The following PIP4P2 variants were observed in gnomAD, a reference collection of about 807,000 sequenced individuals.
PIP4P2 encodes the protein type 2 phosphatidylinositol 4,5-bisphosphate 4-phosphatase.
Under a neutral mutation model 33.3 loss-of-function variants are expected in PIP4P2, and 19 were observed. The observed-to-expected ratio is 0.57, with a 90% CI of 0.40 to 0.84. PIP4P2 has a LOEUF of 0.84. Among genes scored for constraint, PIP4P2 ranks in the 40% least tolerant of loss-of-function variants. The pLI, the probability that PIP4P2 is intolerant of heterozygous loss-of-function variation, is 0.00. For missense variants in PIP4P2, 270 were observed against 324.7 expected (o/e 0.83, Z 1.29); for synonymous variants, 110 against 111.9 (o/e 0.98, Z 0.11).
chr8:91,007,529 T>C lies in PIP4P2; in HGVS notation c.539+1214A>G, dbSNP rs148067695. On this transcript the variant is annotated intron_variant, in intron 5 of 6. Coordinates refer to ENST00000285419, the MANE Select transcript of PIP4P2 (RefSeq NM_018710.3). Reference sequence around the variant, plus strand: ...AACCTCTTATTTTCAATAATAAAAATTGGATTGTCTAAGCATTCCAGTTTA... The same window carrying C: ...AACCTCTTATTTTCAATAATAAAAACTGGATTGTCTAAGCATTCCAGTTTA... Among the ~76,000 whole-genome samples the C allele has an allele frequency of 4.8e-4, 73 of 152,342 alleles. No homozygotes were observed. The East Asian group carries it at 0.011, about 24-fold the overall frequency.
At chr8:91,012,549 G>A (rs1285587167) in intron 4 of PIP4P2, among the ~76,000 whole-genome samples, 3 of 152,016 alleles carry the variant, frequency 2.0e-5, no homozygotes, top group African/African-American at 7.2e-5. Flanking sequence ...TCTCCTATAG[G>A]TGTATACAGT....
At chr8:90,998,881 T>C (rs186164400) in intron 5 of PIP4P2, among the ~76,000 whole-genome samples, 81 of 152,088 alleles carry the variant, frequency 5.3e-4, no homozygotes, top group African/African-American at 1.8e-3. Flanking sequence ...TTCATGATGA[T>C]GACACCAAAA....
At chr8:90,999,363 AAAG>A (rs1321543013) in intron 5 of PIP4P2, among the ~76,000 whole-genome samples, 1 of 152,148 alleles carries the variant, frequency 6.6e-6, no homozygotes, top group African/African-American at 2.4e-5. Context: ...GATAAAACTT[AAAG>A]GTAAATGTAC....
Position 91,011,019 on chromosome 8 carries a change from GAGATAGATAGATAGATAGAT to G in PIP4P2, c.487-2244_487-2225del, listed in dbSNP as rs3084284. On this transcript the variant is annotated intron_variant, in intron 4 of 6. Coordinates refer to ENST00000285419, the MANE Select transcript of PIP4P2 (RefSeq NM_018710.3). The stretch of plus-strand genomic sequence containing the variant: ...TAATTTAATTTTATAGTATCTTACT[GAGATAGATAGATAGATAGAT>G]AGATAGATAGATAGATAGATAGATA... Among the ~76,000 whole-genome samples the G allele has an allele frequency of 1.8e-3, 264 of 145,352 alleles. 1 individual carries two copies. The highest frequency in any genetic ancestry group is 6.4e-3 in the African/African-American group (246 of 38,710).
chr8:91,008,419 C>T (rs1318856877), intron 5 of PIP4P2, among the ~76,000 whole-genome samples: 1 of 151,980 alleles, frequency 6.6e-6, no homozygotes, highest in African/African-American at 2.4e-5. Flanking sequence ...AGATTACAGC[C>T]CATTTTATAA....
chr8:91,029,254 G>GC (rs1208903258), intron 1 of PIP4P2, among the ~76,000 whole-genome samples: 2 of 151,826 alleles, frequency 1.3e-5, no homozygotes, highest in African/African-American at 2.4e-5. Context: ...TCGTGCTATT[G>GC]CACTCCAGCC....
chr8:91,019,456 T>TA (rs1294785522), intron 3 of PIP4P2, among the ~76,000 whole-genome samples: 2 of 140,546 alleles, frequency 1.4e-5, no homozygotes, highest in African/African-American at 5.3e-5. Context: ...TGTGTGCTTG[T>TA]AGTCCCAGCT....
chr8:91,008,168 G>C (rs111845942), intron 5 of PIP4P2, among the ~76,000 whole-genome samples: 1 of 151,914 alleles, frequency 6.6e-6, no homozygotes, highest in Admixed American at 6.6e-5. Context: ...GTAGTCTTGG[G>C]ACCCCCAACA....
rs1482868628 is a variant in PIP4P2, at chr8:91,020,148, A to G, written c.362+9T>C. 2 of 1,611,586 alleles carry G rather than the reference A, an allele frequency of 1.2e-6. No homozygotes were observed. The highest frequency in any genetic ancestry group is 1.3e-5 in the African/African-American group (1 of 74,880). On this transcript the variant is annotated intron_variant, in intron 3 of 6. Coordinates refer to ENST00000285419, the MANE Select transcript of PIP4P2 (RefSeq NM_018710.3). ...TGAATGAATCAATGAATTAATCTTTATCTCTTACCAGTTGGGTCTTGGGCA... is the reference window on the plus strand; with the variant it reads ...TGAATGAATCAATGAATTAATCTTTGTCTCTTACCAGTTGGGTCTTGGGCA...
chr8:91,005,819 T>A (rs975911354), intron 5 of PIP4P2, among the ~76,000 whole-genome samples: 1 of 152,338 alleles, frequency 6.6e-6, no homozygotes, highest in Non-Finnish European at 1.5e-5. Context: ...AGGTCCATTA[T>A]AACATTTGCA....
intron 4 of PIP4P2, among the ~76,000 whole-genome samples, chr8:91,012,831 T>C (rs1480700322): frequency 6.6e-6 from 1 of 152,184 alleles, no homozygotes; most frequent in Non-Finnish European, 1.5e-5. Flanking sequence ...AATATCTAAA[T>C]GTACAAATTA....
chr8:91,010,546 A>G (rs1811820766), intron 4 of PIP4P2, among the ~76,000 whole-genome samples: 1 of 151,970 alleles, frequency 6.6e-6, no homozygotes, highest in Non-Finnish European at 1.5e-5. Flanking sequence ...TAATTAATGT[A>G]TTACATTGCC....
chr8:91,036,657 A>C (rs976247321), intron 1 of PIP4P2, among the ~76,000 whole-genome samples: 3 of 152,208 alleles, frequency 2.0e-5, no homozygotes, highest in African/African-American at 7.2e-5. Context: ...TACTCTAGCC[A>C]ATCCTCTAAT....
rs1320999784 is a variant in PIP4P2, at chr8:90,995,938, A to G, written c.631-118T>C. The G allele has an allele frequency of 5.2e-6, 6 of 1,149,184 alleles. No individual in the cohort carries two copies. In the African/African-American group the frequency reaches 7.9e-5, roughly 15 times the overall value. 71.2% of individuals were successfully genotyped at this position (1,149,184 alleles called of 1,614,324 possible). Reference sequence around the variant, plus strand: ...AAATATACCCCCAGACCGAATACACAAAGTCCTTATAAGAGTAGGTGTATC... The same window carrying G: ...AAATATACCCCCAGACCGAATACACGAAGTCCTTATAAGAGTAGGTGTATC... On this transcript the variant is annotated intron_variant, in intron 6 of 6. Transcript: ENST00000285419.
intron 5 of PIP4P2, among the ~76,000 whole-genome samples, chr8:90,999,438 C>G (rs1030928662): frequency 6.6e-6 from 1 of 152,046 alleles, no homozygotes; most frequent in Non-Finnish European, 1.5e-5. Context: ...ACACAGGTAA[C>G]AACATTCCTG....
chr8:91,012,194 C>A (rs151187871), intron 4 of PIP4P2, among the ~76,000 whole-genome samples: 5 of 152,022 alleles, frequency 3.3e-5, no homozygotes, highest in African/African-American at 1.2e-4. Flanking sequence ...TTAGCATACT[C>A]ATATTATGCA....
At chr8:91,036,172 AAC>A (rs1371411951) in intron 1 of PIP4P2, among the ~76,000 whole-genome samples, 7 of 152,054 alleles carry the variant, frequency 4.6e-5, no homozygotes, top group Admixed American at 4.6e-4. Flanking sequence ...ATATGCAAAT[AAC>A]ACACAATTTT....
chr8:90,995,831 A>G lies in PIP4P2; in HGVS notation c.631-11T>C. 1 of 1,591,212 alleles carries G rather than the reference A, an allele frequency of 6.3e-7. No homozygotes were observed. Among genetic ancestry groups the G allele is most frequent in the Non-Finnish European group, 8.5e-7 (1 of 1,173,870 alleles). Reference sequence around the variant, plus strand: ...ATCTGGGGTGCCAACCTAAAATAAAAAGCAATATAAAAACAAAATATTAGA... The same window carrying G: ...ATCTGGGGTGCCAACCTAAAATAAAGAGCAATATAAAAACAAAATATTAGA... On this transcript the variant is annotated splice_polypyrimidine_tract_variant and intron_variant, in intron 6 of 6. Coordinates refer to ENST00000285419, the MANE Select transcript of PIP4P2 (RefSeq NM_018710.3).
At chr8:91,017,865 T>C (rs770774746) in intron 4 of PIP4P2, among the ~76,000 whole-genome samples, 3 of 152,224 alleles carry the variant, frequency 2.0e-5, no homozygotes, top group Non-Finnish European at 4.4e-5. Context: ...TTTATAACTT[T>C]TGCTCATATC....
Sources: gnomAD v4.1 joint callset for allele counts (sites outside exome capture counted in the v4.1 genomes callset) on GRCh38, gnomAD v4.1.1 for gene constraint, MANE v1.5 for transcripts, NCBI Gene and HGNC (gene_info 2026-07-23, HGNC 2026-07-21) for gene names.